CNTN6: variants seen among roughly 807,000 people sequenced by gnomAD.
CNTN6 encodes the protein contactin 6, also known as contactin-6.
In CNTN6, 137 loss-of-function variants were observed where a neutral mutation model predicts 122.8. The ratio of observed to expected loss-of-function variants is 1.12; its 90% CI spans 0.97 to 1.29. CNTN6 has a LOEUF of 1.29. CNTN6 is among the 50% of genes most tolerant of loss of function. The probability of loss-of-function intolerance (pLI) is 0.00; values close to 1 mark genes in which losing one functional copy is unlikely to be tolerated. For missense variants in CNTN6, 1,634 were observed against 1,223.4 expected (o/e 1.34, Z -5.01); for synonymous variants, 570 against 426.0 (o/e 1.34, Z -4.16).
At chr3:1,309,802 T>G (rs1451071470) in intron 7 of CNTN6, among the ~76,000 whole-genome samples, 2 of 152,174 alleles carry the variant, frequency 1.3e-5, no homozygotes, top group Non-Finnish European at 2.9e-5. Flanking sequence ...CTCTTTTAAT[T>G]GATTTTATGA....
intron 1 of CNTN6, among the ~76,000 whole-genome samples, chr3:1,094,765 T>A (rs2090432681): frequency 1.4e-5 from 2 of 138,534 alleles, no homozygotes; most frequent in Non-Finnish European, 3.3e-5. Context: ...ACTTCTGGGT[T>A]TTTTTTTTAG....
intron 2 of CNTN6, among the ~76,000 whole-genome samples, chr3:1,199,113 G>A (rs1178884067): frequency 6.6e-6 from 1 of 151,516 alleles, no homozygotes; most frequent in Non-Finnish European, 1.5e-5. Flanking sequence ...AACCAACCCT[G>A]CTGACACCTC....
In CNTN6 at chr3:1,389,116, T is replaced by C. The variant is rs540995016; in HGVS notation, c.2704+3319T>C. ...AACTCCAAGACACATAATTGTCAGA[T>C]TCACCAAAGTTGAAATGAAGGAAAA... On this transcript the variant is annotated intron_variant, in intron 20 of 22. Transcript: ENST00000446702. Among the ~76,000 whole-genome samples the C allele has an allele frequency of 2.8e-5, 4 of 144,862 alleles. No individual in the cohort carries two copies. In the South Asian group the frequency reaches 9.2e-4, roughly 33 times the overall value.
intron 7 of CNTN6, among the ~76,000 whole-genome samples, chr3:1,303,582 A>G (rs1210547420): frequency 6.6e-6 from 1 of 152,120 alleles, no homozygotes; most frequent in South Asian, 2.1e-4. Context: ...AATTCTCTGC[A>G]CTGTAATTAT....
In CNTN6 at chr3:1,137,732, C is replaced by T. The variant is rs76725420; in HGVS notation, c.-82-10195C>T. Among the ~76,000 whole-genome samples the T allele has an allele frequency of 5.7e-3, 872 of 152,234 alleles. 6 individuals are homozygous for T. Among genetic ancestry groups the T allele is most frequent in the African/African-American group, 0.02 (829 of 41,532 alleles). On this transcript the variant is annotated intron_variant, in intron 1 of 22. Coordinates refer to ENST00000446702, the MANE Select transcript of CNTN6 (RefSeq NM_001289080.2). The stretch of plus-strand genomic sequence containing the variant: ...TTGTAATTATCATGTCATCCAGGCT[C>T]AGAAAACTAATTTACTTCTTCTAAA...
At chr3:1,234,285 G>C (rs1247347949) in intron 4 of CNTN6, among the ~76,000 whole-genome samples, 1 of 152,074 alleles carries the variant, frequency 6.6e-6, no homozygotes, top group Non-Finnish European at 1.5e-5. Flanking sequence ...AACAAAAAAG[G>C]TAAAGTCGTA....
chr3:1,192,107 C>T (rs1575178100), intron 2 of CNTN6, among the ~76,000 whole-genome samples: 1 of 152,086 alleles, frequency 6.6e-6, no homozygotes, highest in African/African-American at 2.4e-5. Flanking sequence ...CCTTCATTAT[C>T]TCCTGTTAGA....
chr3:1,136,442 G>T (rs984001869), intron 1 of CNTN6, among the ~76,000 whole-genome samples: 1 of 152,176 alleles, frequency 6.6e-6, no homozygotes, highest in Non-Finnish European at 1.5e-5. Flanking sequence ...GGGAAACAGT[G>T]CAGGCTATAC....
At chr3:1,317,212 A>G (rs995904097) in intron 7 of CNTN6, among the ~76,000 whole-genome samples, 1 of 151,792 alleles carries the variant, frequency 6.6e-6, no homozygotes, top group Non-Finnish European at 1.5e-5. Flanking sequence ...AAAGGTTTTT[A>G]TCATTATTTT....
At chr3:1,186,440 A>G (rs1457853459) in intron 2 of CNTN6, among the ~76,000 whole-genome samples, 2 of 119,504 alleles carry the variant, frequency 1.7e-5, no homozygotes, top group South Asian at 4.6e-4. Context: ...AACTTTCAGG[A>G]AAAAAAAAAA....
At chr3:1,114,154 T>C (rs2091607820) in intron 1 of CNTN6, among the ~76,000 whole-genome samples, 1 of 152,154 alleles carries the variant, frequency 6.6e-6, no homozygotes, top group Non-Finnish European at 1.5e-5. Flanking sequence ...TATACACCAT[T>C]ATAATCGCAG....
intron 11 of CNTN6, among the ~76,000 whole-genome samples, chr3:1,346,527 C>G (rs948484897): frequency 2.0e-5 from 3 of 152,054 alleles, no homozygotes; most frequent in African/African-American, 7.2e-5. Flanking sequence ...CTCTTACTTC[C>G]CCTCTTGCCA....
chr3:1,220,581 A>T (rs1438314002), intron 2 of CNTN6, 106 bp from the exon 3 acceptor site: 1 of 1,008,762 alleles, frequency 9.9e-7, no homozygotes, highest in African/African-American at 1.7e-5. Flanking sequence ...GATTGTTTTA[A>T]AATAAAATAA....
At chr3:1,244,647 C>T (rs956536675) in intron 4 of CNTN6, among the ~76,000 whole-genome samples, 23 of 152,162 alleles carry the variant, frequency 1.5e-4, no homozygotes, top group Non-Finnish European at 2.1e-4. Flanking sequence ...GTGAAGAGAC[C>T]GCCAAACAGG....
chr3:1,342,761 G>C (rs1051282093), intron 11 of CNTN6, among the ~76,000 whole-genome samples: 1 of 151,978 alleles, frequency 6.6e-6, no homozygotes, highest in Admixed American at 6.6e-5. Context: ...ACTCTGGCTT[G>C]TATTATACCC....
intron 2 of CNTN6, among the ~76,000 whole-genome samples, chr3:1,202,278 C>T (rs576634493): frequency 6.6e-6 from 1 of 152,334 alleles, no homozygotes; most frequent in South Asian, 2.1e-4. Context: ...CGGTGGCTCA[C>T]GCCTGTAATC....
chr3:1,332,562 G>A (rs1274023428), intron 11 of CNTN6, among the ~76,000 whole-genome samples: 1 of 151,278 alleles, frequency 6.6e-6, no homozygotes, highest in African/African-American at 2.4e-5. Flanking sequence ...GAAAGAGGGG[G>A]AAAGAAAGAA....
intron 12 of CNTN6, among the ~76,000 whole-genome samples, chr3:1,366,307 C>G (rs1241869161): frequency 6.6e-6 from 1 of 152,090 alleles, no homozygotes; most frequent in Non-Finnish European, 1.5e-5. Context: ...TAGAGTCTAG[C>G]GTAGTCAACA....
intron 4 of CNTN6, among the ~76,000 whole-genome samples, chr3:1,236,108 A>C (rs1198033098): frequency 6.6e-6 from 1 of 152,036 alleles, no homozygotes; most frequent in Non-Finnish European, 1.5e-5. Flanking sequence ...TCCCTATCCC[A>C]GTCTGGTGGT....
Sources: gnomAD v4.1 joint callset for allele counts (sites outside exome capture counted in the v4.1 genomes callset) on GRCh38, gnomAD v4.1.1 for gene constraint, MANE v1.5 for transcripts, NCBI Gene and HGNC (gene_info 2026-07-23, HGNC 2026-07-21) for gene names.